Variants in SEMA3C observed in about 807,000 individuals in gnomAD.
SEMA3C encodes the protein semaphorin 3C, also known as semaphorin-3C.
A neutral mutation model predicts 89.4 loss-of-function variants in SEMA3C; 47 were observed. The ratio of observed to expected loss-of-function variants is 0.53; its 90% CI spans 0.42 to 0.67. The LOEUF (loss-of-function observed/expected upper bound fraction) is 0.67, where lower values mean the gene tolerates loss of function less well. SEMA3C is among the 30% of genes least tolerant of loss of function. The pLI is 0.00. For missense variants in SEMA3C, 839 were observed against 929.1 expected, an observed-to-expected ratio of 0.90 and a Z score of 1.26; for synonymous variants, 310 against 320.2, an observed-to-expected ratio of 0.97 and a Z score of 0.34.
At chr7:80,838,916 C>T (rs1475981703) in intron 2 of SEMA3C, among the ~76,000 whole-genome samples, 1 of 152,256 alleles carries the variant, frequency 6.6e-6, no homozygotes, top group East Asian at 1.9e-4. Flanking sequence ...GACACAGAGC[C>T]ACACCTTATC....
In SEMA3C at chr7:80,805,684, T is replaced by C. The variant is rs1789322779; in HGVS notation, c.613A>G (p.Arg205Gly). The C allele has an allele frequency of 6.2e-7, 1 of 1,612,144 alleles. No homozygotes were observed. The highest frequency in any genetic ancestry group is 8.5e-7 in the Non-Finnish European group (1 of 1,178,798). The change falls in exon 7 of 18, where the codon AGG (arginine) becomes GGG (glycine). Residue 205 changes from arginine to glycine, a missense_variant. Arg to Gly is a moderately radical substitution (Grantham distance 125). Transcript: ENST00000265361. ...TGTTGATCAGTTCTGACCGCATTCCTCTTGGTTAAACTTCGAAAAATAGCA... is the reference window on the plus strand; with the variant it reads ...TGTTGATCAGTTCTGACCGCATTCCCCTTGGTTAAACTTCGAAAAATAGCA... ...DAAIFRSLTK[R>G]NAVRTDQHNS... is the part of the protein sequence containing the mutation.
intron 2 of SEMA3C, among the ~76,000 whole-genome samples, chr7:80,895,475 T>C (rs946315545): frequency 2.0e-5 from 3 of 152,198 alleles, no homozygotes; most frequent in African/African-American, 7.2e-5. Flanking sequence ...AGCAATCTTT[T>C]AATTTTTAAA....
chr7:80,824,960 A>T lies in SEMA3C; in HGVS notation c.327+2465T>A, dbSNP rs576497480. Among the ~76,000 whole-genome samples the T allele has an allele frequency of 5.2e-3, 796 of 152,292 alleles. 2 individuals are homozygous for T. The highest frequency in any genetic ancestry group is 8.5e-3 in the Non-Finnish European group (577 of 68,024). ...TATCTAGCACATTGTAAAGACTTAAATGTAAGGACTCCATCTAATTCACCT... is the reference window on the plus strand; with the variant it reads ...TATCTAGCACATTGTAAAGACTTAATTGTAAGGACTCCATCTAATTCACCT... On this transcript the variant is annotated intron_variant, in intron 4 of 17. Transcript: ENST00000265361.
At chr7:80,845,139 T>G (rs976836871) in intron 2 of SEMA3C, among the ~76,000 whole-genome samples, 1 of 152,090 alleles carries the variant, frequency 6.6e-6, no homozygotes, top group Non-Finnish European at 1.5e-5. Context: ...ATGGCTCAGC[T>G]TTTTACTCAA....
chr7:80,826,181 C>T (rs1269635462), intron 4 of SEMA3C, among the ~76,000 whole-genome samples: 1 of 152,100 alleles, frequency 6.6e-6, no homozygotes, highest in Non-Finnish European at 1.5e-5. Flanking sequence ...GTTTCATTTC[C>T]TCAATCCCAT....
chr7:80,812,864 G>A (rs1789501645), intron 5 of SEMA3C, among the ~76,000 whole-genome samples: 1 of 151,984 alleles, frequency 6.6e-6, no homozygotes, highest in African/African-American at 2.4e-5. Context: ...TCGGCTTACG[G>A]CAACCTCCAC....
At chr7:80,770,159 C>G (rs971378065) in intron 12 of SEMA3C, among the ~76,000 whole-genome samples, 3 of 152,130 alleles carry the variant, frequency 2.0e-5, no homozygotes, top group African/African-American at 7.2e-5. Context: ...GCATTGGACT[C>G]AAGAGTTCAG....
At position 80,891,251 on chromosome 7, in the gene SEMA3C, C is replaced by T. The variant is rs1210830984; in HGVS notation, c.103+25428G>A. On this transcript the variant is annotated intron_variant, in intron 2 of 17. Coordinates refer to ENST00000265361, the MANE Select transcript of SEMA3C (RefSeq NM_006379.5). Reference sequence around the variant, plus strand: ...GAAACTCATCAGACATTGAAGCCCTCCTGCCATCTTCCGTCTATATCCCGT... The same window carrying T: ...GAAACTCATCAGACATTGAAGCCCTTCTGCCATCTTCCGTCTATATCCCGT... Among the ~76,000 whole-genome samples, 4 of 152,308 alleles carry T rather than the reference C, an allele frequency of 2.6e-5. No homozygotes were observed. The South Asian group carries it at 6.2e-4, about 24-fold the overall frequency.
chr7:80,806,880 C>A (rs1444678067), intron 6 of SEMA3C, among the ~76,000 whole-genome samples: 1 of 152,034 alleles, frequency 6.6e-6, no homozygotes, highest in Non-Finnish European at 1.5e-5. Context: ...TAGTAATAAG[C>A]AGTACCAGTC....
intron 2 of SEMA3C, among the ~76,000 whole-genome samples, chr7:80,835,672 A>T (rs1790108655): frequency 6.6e-6 from 1 of 152,212 alleles, no homozygotes; most frequent in South Asian, 2.1e-4. Context: ...GACAATAGAG[A>T]CCAGAGGGCA....
chr7:80,810,748 G>A (rs1789449756), intron 5 of SEMA3C, 47 bp from the exon 6 acceptor site: 1 of 1,392,630 alleles, frequency 7.2e-7, no homozygotes, highest in Non-Finnish European at 1.0e-6. Flanking sequence ...AACTTATTTA[G>A]TGAAGACAAT....
intron 2 of SEMA3C, among the ~76,000 whole-genome samples, chr7:80,858,782 GT>G (rs1790703349): frequency 6.6e-6 from 1 of 152,134 alleles, no homozygotes; most frequent in Admixed American, 6.6e-5. Flanking sequence ...TGACCTTGGA[GT>G]GTTTAATTAC....
chr7:80,872,481 T>C (rs1284371793), intron 2 of SEMA3C, among the ~76,000 whole-genome samples: 1 of 151,984 alleles, frequency 6.6e-6, no homozygotes, highest in African/African-American at 2.4e-5. Flanking sequence ...AAGGATTACA[T>C]CTCTTTAATG....
chr7:80,764,488 C>A (rs576195226), intron 13 of SEMA3C, among the ~76,000 whole-genome samples: 1 of 152,186 alleles, frequency 6.6e-6, no homozygotes, highest in Non-Finnish European at 1.5e-5. Flanking sequence ...CCTCTCCTGG[C>A]TCACAGATAC....
chr7:80,842,510 T>C (rs1790293221), intron 2 of SEMA3C, among the ~76,000 whole-genome samples: 1 of 152,184 alleles, frequency 6.6e-6, no homozygotes, highest in Non-Finnish European at 1.5e-5. Context: ...ACTTTCTTTT[T>C]AATTTTCAGT....
chr7:80,915,815 T>TCAAA (rs1338918455), intron 2 of SEMA3C: 12 of 151,174 alleles, frequency 7.9e-5, no homozygotes, highest in Non-Finnish European at 4.4e-5. Flanking sequence ...TGAGAATATA[T>TCAAA]TGTTTATCAA....
chr7:80,894,832 A>G (rs1791695620), intron 2 of SEMA3C, among the ~76,000 whole-genome samples: 1 of 152,068 alleles, frequency 6.6e-6, no homozygotes, highest in Admixed American at 6.5e-5. Flanking sequence ...GTGGTTAGGT[A>G]GAGAAGAGAG....
At chr7:80,868,758 T>C (rs1057383737) in intron 2 of SEMA3C, among the ~76,000 whole-genome samples, 9 of 152,114 alleles carry the variant, frequency 5.9e-5, no homozygotes, top group African/African-American at 2.2e-4. Flanking sequence ...AAGTAGCAGA[T>C]TGCAGGAAAC....
At chr7:80,832,262 T>C (rs1005436553) in intron 2 of SEMA3C, among the ~76,000 whole-genome samples, 1 of 152,196 alleles carries the variant, frequency 6.6e-6, no homozygotes, top group Non-Finnish European at 1.5e-5. Context: ...AATTTCAGTT[T>C]CATCACTTAC....
Sources: gnomAD v4.1 joint callset for allele counts (sites outside exome capture counted in the v4.1 genomes callset) on GRCh38, gnomAD v4.1.1 for gene constraint, MANE v1.5 for transcripts, NCBI Gene and HGNC (gene_info 2026-07-23, HGNC 2026-07-21) for gene names.